The following MSH3 variants were observed in gnomAD, a reference collection of about 807,000 sequenced individuals.
MSH3 encodes the protein mutS homolog 3, also known as DNA mismatch repair protein Msh3.
A neutral mutation model predicts 123.3 loss-of-function variants in MSH3; 106 were observed. The observed-to-expected ratio is 0.86, with a 90% CI of 0.73 to 1.01. MSH3 has a LOEUF of 1.01. MSH3 is among the 50% of genes least tolerant of loss of function. The pLI is 0.00. For synonymous variants in MSH3, 515 were observed against 481.4 expected (o/e 1.07, Z -0.91); for missense variants, 1,459 against 1,347.6 (o/e 1.08, Z -1.29).
intron 19 of MSH3, among the ~76,000 whole-genome samples, chr5:80,800,645 A>C (rs2112036338): frequency 6.6e-6 from 1 of 152,348 alleles, no homozygotes; most frequent in East Asian, 1.9e-4. Flanking sequence ...TTATAGAGAA[A>C]GCAAATGATT....
intron 20 of MSH3, among the ~76,000 whole-genome samples, chr5:80,853,245 G>T (rs1307423366): frequency 6.6e-6 from 1 of 152,180 alleles, no homozygotes; most frequent in Non-Finnish European, 1.5e-5. Context: ...GCCAAGGCAG[G>T]CAGATCACTT....
At chr5:80,704,346 C>T (rs1199250600) in intron 8 of MSH3, among the ~76,000 whole-genome samples, 1 of 152,104 alleles carries the variant, frequency 6.6e-6, no homozygotes, top group Non-Finnish European at 1.5e-5. Context: ...GGAATTCAGT[C>T]TTCACCTCCA....
intron 22 of MSH3, among the ~76,000 whole-genome samples, chr5:80,866,259 C>G (rs1344520222): frequency 6.6e-6 from 1 of 152,186 alleles, no homozygotes; most frequent in African/African-American, 2.4e-5. Flanking sequence ...CCATGTCAGC[C>G]TCCCCGGTAG....
chr5:80,843,077 C>T (rs1745655552), intron 20 of MSH3, among the ~76,000 whole-genome samples: 1 of 152,066 alleles, frequency 6.6e-6, no homozygotes, highest in Admixed American at 6.6e-5. Flanking sequence ...AGATACATTC[C>T]ATCAATATCT....
chr5:80,868,246 A>T (rs1746138632), intron 22 of MSH3, among the ~76,000 whole-genome samples: 1 of 152,108 alleles, frequency 6.6e-6, no homozygotes, highest in Non-Finnish European at 1.5e-5. Flanking sequence ...ATTACCATTC[A>T]ACCCAGCAAT....
chr5:80,714,075 CTA>C (rs1025924591), intron 8 of MSH3, among the ~76,000 whole-genome samples: 2 of 148,540 alleles, frequency 1.3e-5, no homozygotes, highest in Non-Finnish European at 3.0e-5. Flanking sequence ...TTCCTAAAAT[CTA>C]TGTGACAGAA....
intron 19 of MSH3, among the ~76,000 whole-genome samples, chr5:80,795,217 G>A (rs1484025762): frequency 2.0e-5 from 3 of 151,982 alleles, no homozygotes; most frequent in Non-Finnish European, 4.4e-5. Context: ...GATGTGAAGG[G>A]AAATACTTTG....
At position 80,876,515 on chromosome 5, in the gene MSH3, G is replaced by C. The variant is rs914302342; in HGVS notation, c.*653G>C. On this transcript the variant is annotated 3_prime_UTR_variant, in exon 24 of 24. Transcript: ENST00000265081. ...ATGGTGGCGCACACCTGTAGTCCCA[G>C]CTACTCCGGAGGCTGAGGCAGGAGA... 19 of 153,472 alleles carry C rather than the reference G, an allele frequency of 1.2e-4. No homozygotes were observed. The highest frequency in any genetic ancestry group is 4.6e-4 in the African/African-American group (19 of 41,392). The allele number at this position is 153,472 out of a possible 1,614,324, so 9.5% of individuals were successfully genotyped here.
intron 19 of MSH3, among the ~76,000 whole-genome samples, chr5:80,798,158 C>T (rs1030417317): frequency 1.3e-5 from 2 of 152,062 alleles, no homozygotes; most frequent in African/African-American, 2.4e-5. Flanking sequence ...AGGAAGCACT[C>T]GAACCCTGTA....
intron 18 of MSH3, among the ~76,000 whole-genome samples, chr5:80,790,064 C>T (rs1744582014): frequency 6.6e-6 from 1 of 152,152 alleles, no homozygotes; most frequent in Admixed American, 6.5e-5. Context: ...TATATCTACT[C>T]TTGTCTATTA....
At chr5:80,846,233 C>T (rs927909951) in intron 20 of MSH3, among the ~76,000 whole-genome samples, 1 of 152,164 alleles carries the variant, frequency 6.6e-6, no homozygotes, top group Admixed American at 6.5e-5. Flanking sequence ...CCAGCAGAGG[C>T]TGCAGAACAG....
chr5:80,700,148 G>A (rs189787780), intron 8 of MSH3, among the ~76,000 whole-genome samples: 21 of 152,334 alleles, frequency 1.4e-4, no homozygotes, highest in Non-Finnish European at 2.2e-4. Flanking sequence ...GGGAGGCTGA[G>A]GCGGGTGGAT....
At chr5:80,705,720 C>A (rs1750707249) in intron 8 of MSH3, among the ~76,000 whole-genome samples, 1 of 152,152 alleles carries the variant, frequency 6.6e-6, no homozygotes, top group Admixed American at 6.5e-5. Flanking sequence ...AGGATCTGTT[C>A]CAGGCCTCTC....
chr5:80,819,034 G>T (rs1168457863), intron 20 of MSH3, among the ~76,000 whole-genome samples: 2 of 151,990 alleles, frequency 1.3e-5, no homozygotes, highest in African/African-American at 4.8e-5. Context: ...ATAGTGCTTT[G>T]TGTTCCACAT....
Position 80,787,642 on chromosome 5 carries a change from C to T in MSH3, c.2513C>T (p.Ala838Val), listed in dbSNP as rs1744532877. Residue 838 changes from alanine to valine, a missense_variant, in exon 18 of 24, where the codon GCC becomes GTC. Coordinates refer to ENST00000265081, the MANE Select transcript of MSH3 (RefSeq NM_002439.5). ...LATVDCIFSL[A>V]KVAKQGDYCR... ...ACTGTTGACTGCATTTTCTCCCTGGCCAAGGTCGCTAAGCAAGGAGATTAC... is the reference window on the plus strand; with the variant it reads ...ACTGTTGACTGCATTTTCTCCCTGGTCAAGGTCGCTAAGCAAGGAGATTAC... 6.2e-7 allele frequency: 1 copy of T among 1,613,642 alleles called. No homozygotes were observed. The highest frequency in any genetic ancestry group is 1.7e-5 in the Admixed American group (1 of 60,000).
chr5:80,810,172 CATATATATATATAT>C (rs113702568), intron 19 of MSH3, among the ~76,000 whole-genome samples: 2 of 121,588 alleles, frequency 1.6e-5, no homozygotes, highest in African/African-American at 6.4e-5. Context: ...GTTTGACATA[CATATATATATATAT>C]ATATATATAA....
At chr5:80,813,815 T>C (rs1745052679) in intron 20 of MSH3, 74 bp downstream of exon 20, 3 of 1,514,552 alleles carry the variant, frequency 2.0e-6, no homozygotes, top group Non-Finnish European at 2.8e-6. Flanking sequence ...AATTTTCCTT[T>C]TGTGTACATA....
intron 20 of MSH3, among the ~76,000 whole-genome samples, chr5:80,825,364 A>G (rs769626192): frequency 2.6e-5 from 4 of 152,176 alleles, no homozygotes; most frequent in Non-Finnish European, 4.4e-5. Context: ...ATCACACTAT[A>G]TTCTTCTGTA....
At chr5:80,792,620 GTT>G in intron 18 of MSH3, 111 bp from the exon 19 acceptor site, 1 of 675,036 alleles carries the variant, frequency 1.5e-6, no homozygotes, top group Non-Finnish European at 2.7e-6. Flanking sequence ...TATGTTTAAA[GTT>G]TTGTTTTCTG....
Sources: allele counts gnomAD v4.1 joint callset (sites outside exome capture counted in the v4.1 genomes callset), GRCh38; gene constraint gnomAD v4.1.1; transcripts MANE v1.5; gene names NCBI Gene and HGNC (gene_info 2026-07-23, HGNC 2026-07-21).